The following FBLN1 variants were observed in gnomAD, a reference collection of about 807,000 sequenced individuals.
FBLN1 encodes fibulin-1.
A neutral mutation model predicts 89.7 loss-of-function variants in FBLN1; 34 were observed. The ratio of observed to expected loss-of-function variants is 0.38; its 90% CI spans 0.29 to 0.50. FBLN1 has a LOEUF of 0.50. Ranked by LOEUF, FBLN1 falls within the 20% of genes least tolerant of loss-of-function variation. FBLN1 has a pLI of 0.92. For synonymous variants in FBLN1, 393 were observed against 391.3 expected, an observed-to-expected ratio of 1.00 and a Z score of -0.05; for missense variants, 777 against 988.1, an observed-to-expected ratio of 0.79 and a Z score of 2.86.
In FBLN1 at chr22:45,523,158, G is replaced by A. The variant is rs150868662; in HGVS notation, c.186-2385G>A. 4.7e-3 allele frequency: 3,646 copies of A among 778,824 alleles called. 24 individuals are homozygous for A. The highest frequency in any genetic ancestry group is 6.8e-3 in the Non-Finnish European group (2,824 of 417,434). 48.2% of individuals were successfully genotyped at this position (778,824 alleles called of 1,614,324 possible). ...GTGGGCAGTATGGAAAGTGGGAAGA[G>A]CATCCCAGGCCGAGGGAACAGCCAG... On this transcript the variant is annotated intron_variant, in intron 2 of 16. Transcript: ENST00000327858.
At chr22:45,585,760 AG>A (rs758262129) in intron 16 of FBLN1, among the ~76,000 whole-genome samples, 23 of 152,250 alleles carry the variant, frequency 1.5e-4, no homozygotes, top group Non-Finnish European at 2.6e-4. Context: ...AGGGTGTCTC[AG>A]AGACTGGGAG....
At chr22:45,555,864 T>TA (rs1163610016) in intron 14 of FBLN1, among the ~76,000 whole-genome samples, 5 of 152,218 alleles carry the variant, frequency 3.3e-5, no homozygotes, top group African/African-American at 1.2e-4. Flanking sequence ...TACTATTATA[T>TA]AAAGTTAACG....
intron 1 of FBLN1, among the ~76,000 whole-genome samples, chr22:45,504,105 C>T (rs2087985839): frequency 6.6e-6 from 1 of 152,104 alleles, no homozygotes; most frequent in African/African-American, 2.4e-5. Context: ...GAGTCTTAAT[C>T]CCTGGTTTAG....
chr22:45,563,026 C>T lies in FBLN1; in HGVS notation c.1698-11485C>T. ...ACATCCAAGCGCCCGCGGTGGTTTTCCGCATGGGCCCCTCCAGTGCTGTCC... is the reference window on the plus strand; with the variant it reads ...ACATCCAAGCGCCCGCGGTGGTTTTTCGCATGGGCCCCTCCAGTGCTGTCC... On this transcript the variant is annotated intron_variant, in intron 14 of 16. Transcript: ENST00000327858. This position sits in a 1 kb window ranked among gnomAD's most constrained non-coding sequence, Gnocchi z 5.7. 1 of 1,613,516 alleles carries T rather than the reference C, an allele frequency of 6.2e-7. No individual in the cohort carries two copies. The highest frequency in any genetic ancestry group is 8.5e-7 in the Non-Finnish European group (1 of 1,179,988).
chr22:45,589,101 AT>A (rs1197136724), intron 16 of FBLN1, among the ~76,000 whole-genome samples: 1 of 146,490 alleles, frequency 6.8e-6, no homozygotes, highest in African/African-American at 2.5e-5. Context: ...TATATAAAAA[AT>A]ATATAAAAAT....
chr22:45,548,466 C>G (rs191938390), intron 12 of FBLN1, 147 bp from the exon 13 acceptor site: 1 of 1,066,496 alleles, frequency 9.4e-7, no homozygotes. Flanking sequence ...TCTCTGAGCA[C>G]GATGGTCTCT....
chr22:45,508,257 T>C (rs2146937094), intron 1 of FBLN1, among the ~76,000 whole-genome samples: 1 of 146,652 alleles, frequency 6.8e-6, no homozygotes, highest in South Asian at 2.2e-4. Flanking sequence ...GTCATACCCC[T>C]CACCAGCACA....
rs1265288035 is a variant in FBLN1, at chr22:45,581,146, C to A, written c.1972+4038C>A. Among the ~76,000 whole-genome samples the A allele has an allele frequency of 6.6e-6, 1 of 152,102 alleles. No individual in the cohort carries two copies. The highest frequency in any genetic ancestry group is 1.5e-5 in the Non-Finnish European group (1 of 68,020). On this transcript the variant is annotated intron_variant, in intron 16 of 16. Coordinates refer to ENST00000327858, the MANE Select transcript of FBLN1 (RefSeq NM_006486.3). This position sits in a 1 kb window ranked among gnomAD's most constrained non-coding sequence, Gnocchi z 7.6. The stretch of plus-strand genomic sequence containing the variant: ...TCCTGAGTGATGACTAATGGGGGAG[C>A]CCTGGCTGCAGCAGGGGCGGGCTGT...
At chr22:45,594,031 T>C (rs1376481874) in intron 16 of FBLN1, among the ~76,000 whole-genome samples, 1 of 152,158 alleles carries the variant, frequency 6.6e-6, no homozygotes, top group Non-Finnish European at 1.5e-5. Context: ...CAGGGAAGAC[T>C]TCTGTGAAGA....
intron 1 of FBLN1, among the ~76,000 whole-genome samples, chr22:45,510,232 C>T (rs544966788): frequency 6.6e-6 from 1 of 152,258 alleles, no homozygotes; most frequent in Admixed American, 6.5e-5. Flanking sequence ...CGCGGTCTCA[C>T]AATAAAAGAC....
chr22:45,503,409 T>G, intron 1 of FBLN1: 1 of 172,032 alleles, frequency 5.8e-6, no homozygotes, highest in Non-Finnish European at 1.2e-5. Context: ...GGCTGGGGGT[T>G]ACCGAGCCCA....
chr22:45,571,443 T>C (rs888577346), intron 14 of FBLN1, among the ~76,000 whole-genome samples: 1 of 152,192 alleles, frequency 6.6e-6, no homozygotes, highest in Non-Finnish European at 1.5e-5. Context: ...AATTACTGGA[T>C]AGGTCAGACA....
intron 16 of FBLN1, among the ~76,000 whole-genome samples, chr22:45,589,687 C>A (rs1175659033): frequency 6.6e-6 from 1 of 152,164 alleles, no homozygotes; most frequent in African/African-American, 2.4e-5. Context: ...CAGCGGCTCC[C>A]ATGGCTCCAG....
rs769434997 is a variant in FBLN1 at position 45,550,572 on chromosome 22, C to T, written c.1654C>T (p.Leu552=). The change falls in exon 14 of 17, where the codon CTG becomes TTG. Residue 552 remains leucine, a synonymous_variant. Transcript: ENST00000327858. This position sits in a 1 kb window ranked among gnomAD's most constrained non-coding sequence, Gnocchi z 8.4. ...CAACATCCAGGGCGGCTTCCGCTGC[C>T]TGGCCTTCGAGTGCCCTGAGAACTA... ...CFNIQGGFRC[L]AFECPENYRR... is the part of the protein sequence containing the mutation. 12 of 1,614,002 alleles carry T rather than the reference C, an allele frequency of 7.4e-6. No individual in the cohort carries two copies. The highest frequency in any genetic ancestry group is 1.0e-5 in the Non-Finnish European group (12 of 1,180,058).
chr22:45,502,922 C>A lies in FBLN1; in HGVS notation c.-64C>A. On this transcript the variant is annotated 5_prime_UTR_variant, in exon 1 of 17. Coordinates refer to ENST00000327858, the MANE Select transcript of FBLN1 (RefSeq NM_006486.3). ...CTCGGCCGGAGCGTGGAGCCCGCGC[C>A]GCTGCCCCAGGACCGCGCCCGCGCC... 1.5e-6 allele frequency: 1 copy of A among 679,900 alleles called. No individual in the cohort carries two copies. The highest frequency in any genetic ancestry group is 1.8e-6 in the Non-Finnish European group (1 of 541,842). 42.1% of individuals were successfully genotyped at this position (679,900 alleles called of 1,614,324 possible).
chr22:45,571,780 C>T (rs1348518771), intron 14 of FBLN1, among the ~76,000 whole-genome samples: 1 of 152,124 alleles, frequency 6.6e-6, no homozygotes, highest in Non-Finnish European at 1.5e-5. Context: ...TGACCAACCC[C>T]CTAGCACTGA....
chr22:45,587,828 C>T lies in FBLN1; in HGVS notation c.1972+10720C>T, dbSNP rs533690533. Among the ~76,000 whole-genome samples the T allele has an allele frequency of 2.0e-3, 309 of 152,330 alleles. 2 individuals carry two copies. Among genetic ancestry groups the T allele is most frequent in the African/African-American group, 7.0e-3 (290 of 41,572 alleles). ...TGAACTCCTATTCATCCCTCCAAGCCGATGTCAGCTGTCACCTCCTCTTGG... is the reference window on the plus strand; with the variant it reads ...TGAACTCCTATTCATCCCTCCAAGCTGATGTCAGCTGTCACCTCCTCTTGG... On this transcript the variant is annotated intron_variant, in intron 16 of 16. Coordinates refer to ENST00000327858, the MANE Select transcript of FBLN1 (RefSeq NM_006486.3).
chr22:45,568,707 G>C (rs778242801), intron 14 of FBLN1, among the ~76,000 whole-genome samples: 1 of 43,776 alleles, frequency 2.3e-5, no homozygotes, highest in Admixed American at 2.1e-4. Context: ...TTCTGTAGGG[G>C]AGTGCTCCTT....
intron 1 of FBLN1, among the ~76,000 whole-genome samples, chr22:45,512,437 C>T (rs1007056512): frequency 3.3e-5 from 5 of 152,018 alleles, no homozygotes; most frequent in South Asian, 2.1e-4. Context: ...CCAGCCTGGC[C>T]GAGAGTCCTG....
Sources: gnomAD v4.1 joint callset for allele counts (sites outside exome capture counted in the v4.1 genomes callset) on GRCh38, gnomAD v4.1.1 for gene constraint, Gnocchi (gnomAD v3.1) non-coding constraint, MANE v1.5 for transcripts, NCBI Gene and HGNC (gene_info 2026-07-23, HGNC 2026-07-21) for gene names.